SNED1: variants seen among roughly 807,000 people sequenced by gnomAD.
The protein encoded by SNED1 is sushi, nidogen and EGF-like domain-containing protein 1.
A neutral mutation model predicts 166.7 loss-of-function variants in SNED1; 81 were observed. That is an observed-to-expected ratio of 0.49 (90% CI 0.41 to 0.58). SNED1 has a LOEUF of 0.58. Among genes scored for constraint, SNED1 ranks in the 20% least tolerant of loss-of-function variants. The pLI is 0.00. For missense variants in SNED1, 1,604 were observed against 2,000.2 expected (o/e 0.80, Z 3.78); for synonymous variants, 762 against 822.0 (o/e 0.93, Z 1.25).
At chr2:241,007,681 G>T (rs2060258483) in intron 1 of SNED1, among the ~76,000 whole-genome samples, 1 of 152,056 alleles carries the variant, frequency 6.6e-6, no homozygotes, top group African/African-American at 2.4e-5. Context: ...ACAGACTTCG[G>T]GTTACCATCT....
intron 1 of SNED1, among the ~76,000 whole-genome samples, chr2:241,016,188 ATTTT>A (rs1181068532): frequency 1.5e-5 from 1 of 68,644 alleles, no homozygotes; most frequent in Non-Finnish European, 2.8e-5. Context: ...GTCATGGTGG[ATTTT>A]TTTTTTTTTT....
chr2:241,050,938 C>T lies in SNED1; in HGVS notation c.1736-806C>T, dbSNP rs148910717. 1.6e-3 allele frequency among the ~76,000 whole-genome samples: 243 copies of T among 152,362 alleles called. 2 individuals are homozygous for T. Among genetic ancestry groups the T allele is most frequent in the African/African-American group, 5.5e-3 (228 of 41,582 alleles). ...GCCCCAGGAACTGCACAGCCCTCCC[C>T]CAGCATCCCAGCTTCCGTGAGCACA... On this transcript the variant is annotated intron_variant, in intron 12 of 31. Transcript: ENST00000310397.
At chr2:241,037,455 A>T in intron 6 of SNED1, 102 bp downstream of exon 6, 1 of 810,184 alleles carries the variant, frequency 1.2e-6, no homozygotes, top group Non-Finnish European at 2.0e-6. Context: ...GCAGCTGTGC[A>T]TGCTGCAAGG....
Position 241,065,513 on chromosome 2 carries a change from C to G in SNED1, c.2928C>G (p.Tyr976Ter). Reference sequence around the variant, plus strand: ...AGGCCCTGGCGGCCGGCAGGGCCTACAACATCTCCGTCTTCTCAGTGAAGC... The same window carrying G: ...AGGCCCTGGCGGCCGGCAGGGCCTAGAACATCTCCGTCTTCTCAGTGAAGC... Reference protein sequence around the residue: ...QLQALAAGRAYNISVFSVKRN... With the variant: ...QLQALAAGRA The change falls in exon 21 of 32, where the codon TAC becomes TAG. Residue 976 changes from tyrosine (Y) to a stop codon, truncating the protein, a stop_gained. Transcript: ENST00000310397. LOFTEE classifies it high-confidence loss of function. 6.2e-7 allele frequency: 1 copy of G among 1,612,986 alleles called. No individual in the cohort carries two copies.
intron 30 of SNED1, chr2:241,088,052 C>T (rs2063674986): frequency 2.2e-6 from 1 of 447,438 alleles, no homozygotes; most frequent in Non-Finnish European, 4.0e-6. Context: ...TGCTGCTCGG[C>T]CTGTGCACGT....
chr2:241,002,825 G>T (rs982911989), intron 1 of SNED1, among the ~76,000 whole-genome samples: 5 of 151,864 alleles, frequency 3.3e-5, no homozygotes, highest in Non-Finnish European at 7.4e-5. Context: ...CCTCCCTGGC[G>T]CCCACCCATC....
At chr2:241,048,817 C>T in intron 10 of SNED1, 51 bp downstream of exon 10, 2 of 1,459,806 alleles carry the variant, frequency 1.4e-6, no homozygotes, top group South Asian at 2.4e-5. Context: ...TCCTCATAAT[C>T]GGGAAATGAA....
At chr2:241,043,497 C>CA (rs1475663653) in intron 8 of SNED1, among the ~76,000 whole-genome samples, 4 of 151,354 alleles carry the variant, frequency 2.6e-5, no homozygotes, top group South Asian at 4.2e-4. Flanking sequence ...ACCTGCATTA[C>CA]AAAAAAATGT....
intron 24 of SNED1, 176 bp from the exon 25 acceptor site, chr2:241,071,400 G>A: frequency 1.5e-6 from 1 of 688,634 alleles, no homozygotes; most frequent in Non-Finnish European, 2.5e-6. Flanking sequence ...GGCTGGAAGG[G>A]AACCCAGGGC....
intron 1 of SNED1, among the ~76,000 whole-genome samples, chr2:241,025,194 C>G (rs1024721938): frequency 1.3e-5 from 2 of 152,158 alleles, no homozygotes; most frequent in African/African-American, 4.8e-5. Context: ...AGCACAAACC[C>G]TATTGTGAAC....
At chr2:241,079,823 G>A (rs78788439) in intron 27 of SNED1, among the ~76,000 whole-genome samples, 1,717 of 152,170 alleles carry the variant, frequency 0.011, 41 homozygotes, top group African/African-American at 0.039. Context: ...AAAAAGCATC[G>A]CCAAGGAATG....
At position 241,040,488 on chromosome 2, in the gene SNED1, C is replaced by T. The variant is rs2061494472; in HGVS notation, c.1273+75C>T. The stretch of plus-strand genomic sequence containing the variant: ...CCGTGAACACCCCCATAGCCACTTT[C>T]CCCTTCCTTCCTTGCCATCTGACTC... On this transcript the variant is annotated intron_variant, in intron 8 of 31. Transcript: ENST00000310397. 11 of 911,646 alleles carry T rather than the reference C, an allele frequency of 1.2e-5. No homozygotes were observed. In the East Asian group the frequency reaches 2.4e-4, roughly 20 times the overall value. 56.5% of individuals were successfully genotyped at this position (911,646 alleles called of 1,614,324 possible). A position where few individuals can be genotyped will look rare whatever the true frequency, so the allele number is the denominator to read the frequency against.
chr2:241,044,161 A>C (rs991748154), intron 8 of SNED1, among the ~76,000 whole-genome samples: 14 of 152,236 alleles, frequency 9.2e-5, no homozygotes, highest in African/African-American at 3.1e-4. Flanking sequence ...GAAGTGGGAC[A>C]AGTAAAAGCC....
intron 2 of SNED1, among the ~76,000 whole-genome samples, chr2:241,031,294 A>G (rs2061160957): frequency 6.6e-6 from 1 of 152,146 alleles, no homozygotes; most frequent in Non-Finnish European, 1.5e-5. Context: ...CCTCCTGAGC[A>G]GCTAGGATTA....
upstream of SNED1, among the ~76,000 whole-genome samples, chr2:240,998,276 C>T (rs1244721647): frequency 3.9e-5 from 6 of 152,274 alleles, no homozygotes; most frequent in Admixed American, 6.5e-5. Context: ...TTCATTCAGG[C>T]ACTGCCTGGC....
chr2:241,015,425 A>G (rs1254462270), intron 1 of SNED1, among the ~76,000 whole-genome samples: 2 of 152,184 alleles, frequency 1.3e-5, no homozygotes. Flanking sequence ...ACATAGAACT[A>G]TAATTGATTT....
intron 1 of SNED1, among the ~76,000 whole-genome samples, chr2:241,000,693 T>C (rs970191059): frequency 1.3e-5 from 2 of 152,178 alleles, no homozygotes; most frequent in Non-Finnish European, 2.9e-5. Context: ...AGCTCTAACG[T>C]GGGAAGATCT....
chr2:241,072,537 A>G lies in SNED1; in HGVS notation c.3817+659A>G, dbSNP rs1021116076. 84 of 324,112 alleles carry G rather than the reference A, an allele frequency of 2.6e-4. 1 individual carries two copies. The highest frequency in any genetic ancestry group is 1.1e-3 in the Middle Eastern group (1 of 898). 20.1% of individuals were successfully genotyped at this position (324,112 alleles called of 1,614,324 possible). A position where few individuals can be genotyped will look rare whatever the true frequency, so the allele number is the denominator to read the frequency against. Reference sequence around the variant, plus strand: ...CTCATGGAACTCCCCAACAGAGCCTAGTCACCAGTTTAATGAACACGCTCT... The same window carrying G: ...CTCATGGAACTCCCCAACAGAGCCTGGTCACCAGTTTAATGAACACGCTCT... On this transcript the variant is annotated intron_variant, in intron 26 of 31. Transcript: ENST00000310397.
chr2:241,045,349 AAT>A (rs902109425), intron 8 of SNED1, among the ~76,000 whole-genome samples: 10 of 152,182 alleles, frequency 6.6e-5, no homozygotes, highest in African/African-American at 2.4e-4. Flanking sequence ...AAACCAAAAC[AAT>A]TTTGATGAAG....
Sources: gnomAD v4.1 joint callset for allele counts (sites outside exome capture counted in the v4.1 genomes callset) on GRCh38, gnomAD v4.1.1 for gene constraint, MANE v1.5 for transcripts, NCBI Gene and HGNC (gene_info 2026-07-23, HGNC 2026-07-21) for gene names.